The following SLC24A3 variants were observed in gnomAD, a reference collection of about 807,000 sequenced individuals.
The protein encoded by SLC24A3 is solute carrier family 24 member 3.
Under a neutral mutation model 75.8 loss-of-function variants are expected in SLC24A3, and 28 were observed. The observed-to-expected ratio is 0.37, with a 90% CI of 0.27 to 0.51. SLC24A3 has a LOEUF of 0.51. Among genes scored for constraint, SLC24A3 ranks in the 20% least tolerant of loss-of-function variants. SLC24A3 has a pLI of 0.94. For missense variants in SLC24A3, 663 were observed against 847.8 expected, an observed-to-expected ratio of 0.78 and a Z score of 2.71; for synonymous variants, 372 against 334.1, an observed-to-expected ratio of 1.11 and a Z score of -1.24.
At chr20:19,465,151 A>G (rs1255365076) in intron 2 of SLC24A3, among the ~76,000 whole-genome samples, 20 of 152,218 alleles carry the variant, frequency 1.3e-4, no homozygotes. Flanking sequence ...AGAGCATGAG[A>G]AGGAAAAAGT....
intron 2 of SLC24A3, among the ~76,000 whole-genome samples, chr20:19,347,062 A>G (rs937394881): frequency 2.0e-5 from 3 of 152,206 alleles, no homozygotes; most frequent in African/African-American, 7.2e-5. Flanking sequence ...TCAAGCCACA[A>G]AAAGACATTT....
intron 2 of SLC24A3, among the ~76,000 whole-genome samples, chr20:19,351,024 A>G (rs1171633113): frequency 6.6e-6 from 1 of 152,164 alleles, no homozygotes; most frequent in Non-Finnish European, 1.5e-5. Context: ...CCCAGCCTCC[A>G]TTATTGACAT....
At position 19,344,180 on chromosome 20, in the gene SLC24A3, G is replaced by A. The variant is rs368047102; in HGVS notation, c.271+63093G>A. On this transcript the variant is annotated intron_variant, in intron 2 of 16. Coordinates refer to ENST00000328041, the MANE Select transcript of SLC24A3 (RefSeq NM_020689.4). Reference sequence around the variant, plus strand: ...GTGAACATGTTGCAGCCACAATAAAGTGTATTGCTAATTCATTTTTTAAAA... The same window carrying A: ...GTGAACATGTTGCAGCCACAATAAAATGTATTGCTAATTCATTTTTTAAAA... Among the ~76,000 whole-genome samples, 56 of 152,324 alleles carry A rather than the reference G, an allele frequency of 3.7e-4. No individual in the cohort carries two copies. In the South Asian group the frequency reaches 0.011, roughly 31 times the overall value.
intron 2 of SLC24A3, among the ~76,000 whole-genome samples, chr20:19,444,930 T>C (rs1227459972): frequency 1.3e-5 from 2 of 152,196 alleles, no homozygotes; most frequent in Non-Finnish European, 2.9e-5. Flanking sequence ...GCTTAGGTTA[T>C]TGATTTTGGA....
chr20:19,551,913 A>G (rs1443053615), intron 3 of SLC24A3, among the ~76,000 whole-genome samples: 1 of 152,166 alleles, frequency 6.6e-6, no homozygotes, highest in African/African-American at 2.4e-5. Context: ...TTAAAAGCCA[A>G]AACATTTTTT....
intron 1 of SLC24A3, among the ~76,000 whole-genome samples, chr20:19,277,599 G>C (rs932800294): frequency 1.3e-5 from 2 of 152,116 alleles, no homozygotes; most frequent in African/African-American, 4.8e-5. Flanking sequence ...TCAGACTCTG[G>C]TCTCTGTGTT....
Position 19,599,244 on chromosome 20 carries a change from G to C in SLC24A3, c.612+13700G>C, listed in dbSNP as rs185455959. ...ATCTCTGTGGGGCACACATGAGTCA[G>C]TGGAGCAAAACAGGACAGAGGGGCT... On this transcript the variant is annotated intron_variant, in intron 6 of 16. Coordinates refer to ENST00000328041, the MANE Select transcript of SLC24A3 (RefSeq NM_020689.4). Among the ~76,000 whole-genome samples, 490 of 152,350 alleles carry C rather than the reference G, an allele frequency of 3.2e-3. 8 individuals are homozygous for C. The highest frequency in any genetic ancestry group is 0.025 in the Admixed American group (383 of 15,304).
chr20:19,590,206 A>G (rs998624528), intron 6 of SLC24A3, among the ~76,000 whole-genome samples: 13 of 151,752 alleles, frequency 8.6e-5, no homozygotes, highest in African/African-American at 2.2e-4. Flanking sequence ...AGCACAAACA[A>G]TGTGCAGCTA....
At chr20:19,571,140 C>T (rs2031045650) in intron 3 of SLC24A3, among the ~76,000 whole-genome samples, 1 of 152,116 alleles carries the variant, frequency 6.6e-6, no homozygotes. Context: ...GTGGCCTGAG[C>T]TGCTGGACTT....
At chr20:19,256,764 G>A (rs1253442903) in intron 1 of SLC24A3, among the ~76,000 whole-genome samples, 1 of 105,556 alleles carries the variant, frequency 9.5e-6, no homozygotes, top group South Asian at 3.1e-4. Context: ...GCAAGACGTT[G>A]TCTCAAAAAA....
At chr20:19,231,621 G>C (rs1982026388) in intron 1 of SLC24A3, among the ~76,000 whole-genome samples, 1 of 152,226 alleles carries the variant, frequency 6.6e-6, no homozygotes, top group Non-Finnish European at 1.5e-5. Flanking sequence ...GCTTCCAGTA[G>C]GAATGCAGTC....
chr20:19,586,484 G>A (rs1021417334), intron 6 of SLC24A3, among the ~76,000 whole-genome samples: 4 of 152,114 alleles, frequency 2.6e-5, no homozygotes, highest in African/African-American at 4.8e-5. Flanking sequence ...CCTAGAAGTG[G>A]CTGATTGGGT....
intron 3 of SLC24A3, among the ~76,000 whole-genome samples, chr20:19,546,188 A>AAAAAAAAAAC (rs1568651726): frequency 6.9e-6 from 1 of 145,694 alleles, no homozygotes; most frequent in South Asian, 2.2e-4. Flanking sequence ...AAAAAAAAAA[A>AAAAAAAAAAC]CCAGGTAATC....
At chr20:19,297,072 C>A (rs1984079532) in intron 2 of SLC24A3, among the ~76,000 whole-genome samples, 1 of 152,120 alleles carries the variant, frequency 6.6e-6, no homozygotes, top group Non-Finnish European at 1.5e-5. Context: ...CATATAGACC[C>A]AGCACCTAGG....
intron 2 of SLC24A3, among the ~76,000 whole-genome samples, chr20:19,373,243 T>C (rs939543958): frequency 3.3e-5 from 5 of 152,082 alleles, no homozygotes; most frequent in African/African-American, 1.2e-4. Context: ...GCAACCTAAA[T>C]TTTCCTTCAG....
At chr20:19,545,591 G>A (rs1462446004) in intron 3 of SLC24A3, among the ~76,000 whole-genome samples, 1 of 152,120 alleles carries the variant, frequency 6.6e-6, no homozygotes, top group Non-Finnish European at 1.5e-5. Flanking sequence ...TGGGGACATG[G>A]GTCTGGGCCT....
chr20:19,684,421 A>C, intron 11 of SLC24A3, 85 bp downstream of exon 11: 4 of 1,453,570 alleles, frequency 2.8e-6, no homozygotes, highest in Non-Finnish European at 3.7e-6. Flanking sequence ...TTGAAAGAAG[A>C]AGCACCTAAC....
intron 2 of SLC24A3, among the ~76,000 whole-genome samples, chr20:19,302,075 A>T (rs1984208623): frequency 6.6e-6 from 1 of 152,192 alleles, no homozygotes; most frequent in South Asian, 2.1e-4. Context: ...CATTCCAGGA[A>T]CACCCAGAAA....
chr20:19,694,541 C>T (rs1355497922), intron 13 of SLC24A3: 2 of 152,128 alleles, frequency 1.3e-5, no homozygotes, highest in Non-Finnish European at 2.9e-5. Flanking sequence ...GTTTCTCCCT[C>T]ATCCTGCATT....
Sources: gnomAD v4.1 joint callset for allele counts (sites outside exome capture counted in the v4.1 genomes callset) on GRCh38, gnomAD v4.1.1 for gene constraint, MANE v1.5 for transcripts, NCBI Gene and HGNC (gene_info 2026-07-23, HGNC 2026-07-21) for gene names.